The following RHOU variants were observed in gnomAD, a reference collection of about 807,000 sequenced individuals.
The protein encoded by RHOU is rho-related GTP-binding protein RhoU.
A neutral mutation model predicts 12.6 loss-of-function variants in RHOU; 8 were observed. The observed-to-expected ratio is 0.64, with a 90% CI of 0.37 to 1.15. The LOEUF is 1.15. RHOU is among the 50% of genes most tolerant of loss of function. The pLI is 0.01. For synonymous variants in RHOU, 161 were observed against 147.4 expected (o/e 1.09, Z -0.67); for missense variants, 258 against 347.0 (o/e 0.74, Z 2.04).
Position 228,737,695 on chromosome 1 carries a change from G to C in RHOU, c.285G>C (p.Arg95=). 1 of 1,614,100 alleles carries C rather than the reference G, an allele frequency of 6.2e-7. No individual in the cohort carries two copies. The highest frequency in any genetic ancestry group is 8.5e-7 in the Non-Finnish European group (1 of 1,180,016). Residue 95 remains arginine (R), a synonymous_variant, in exon 2 of 3, where the codon CGG becomes CGC. Transcript: ENST00000366691. This position sits in a 1 kb window ranked among gnomAD's most constrained non-coding sequence, Gnocchi z 4.1. The part of the protein sequence containing the change: ...NFSAVVSVDG[R]PVRLQLCDTA... ...AAGCGGTGGTGTCTGTGGATGGGCG[G>C]CCCGTGAGACTCCAACTCTGTGACA...
the RHOU span, among the ~76,000 whole-genome samples, chr1:228,696,943 A>G: frequency 1.3e-5 from 2 of 152,192 alleles, no homozygotes; most frequent in African/African-American, 4.8e-5. Context: ...TATAAGAAAT[A>G]ATAAACCTTA....
chr1:228,686,571 C>A, the RHOU span, among the ~76,000 whole-genome samples: 2 of 152,308 alleles, frequency 1.3e-5, no homozygotes, highest in South Asian at 4.1e-4. Context: ...ATATTTAGTG[C>A]AAGCCATGGT....
the RHOU span, among the ~76,000 whole-genome samples, chr1:228,647,726 C>G: frequency 6.6e-6 from 1 of 152,188 alleles, no homozygotes; most frequent in South Asian, 2.1e-4. Context: ...CCGGTTTCAT[C>G]GTGTTGCGCC....
chr1:228,690,149 T>G, the RHOU span, among the ~76,000 whole-genome samples: 1 of 151,336 alleles, frequency 6.6e-6, no homozygotes, highest in South Asian at 2.1e-4. Flanking sequence ...TCAGACTGAT[T>G]TTTATTTAAA....
the RHOU span, among the ~76,000 whole-genome samples, chr1:228,648,342 G>A: frequency 1.3e-5 from 2 of 152,176 alleles, no homozygotes; most frequent in Non-Finnish European, 2.9e-5. Flanking sequence ...TGGGATCTCC[G>A]GGCAGCCTCC....
Position 228,737,003 on chromosome 1 carries a change from A to G in RHOU, c.263-670A>G, listed in dbSNP as rs1394401180. Among the ~76,000 whole-genome samples, 2 of 148,614 alleles carry G rather than the reference A, an allele frequency of 1.3e-5. No homozygotes were observed. The highest frequency in any genetic ancestry group is 5.0e-5 in the African/African-American group (2 of 40,270). ...GAAACAATTAGAAAGTTGTGTAGAA[A>G]GAGACAAAACTGACTGCTTAATTAA... On this transcript the variant is annotated intron_variant, in intron 1 of 2. Transcript: ENST00000366691. The surrounding 1 kb of genome is among the most constrained non-coding windows in gnomAD (Gnocchi z 4.1).
the RHOU span, among the ~76,000 whole-genome samples, chr1:228,677,436 G>C: frequency 6.6e-6 from 1 of 152,006 alleles, no homozygotes; most frequent in Non-Finnish European, 1.5e-5. Context: ...TTTTTATGTT[G>C]TCATATACCA....
chr1:228,680,971 G>A, the RHOU span, among the ~76,000 whole-genome samples: 407 of 152,238 alleles, frequency 2.7e-3, 4 homozygotes, highest in Non-Finnish European at 4.9e-3. Flanking sequence ...TCATGAAGCC[G>A]GTGATTATCA....
In RHOU at chr1:228,737,662, T is replaced by G; in HGVS notation, c.263-11T>G. 2 of 1,614,004 alleles carry G rather than the reference T, an allele frequency of 1.2e-6. No individual in the cohort carries two copies. Among genetic ancestry groups the G allele is most frequent in the East Asian group, 4.5e-5 (2 of 44,896 alleles). The stretch of plus-strand genomic sequence containing the variant: ...ACACCTCCTGATTGTCATTTTGGTT[T>G]TGTTTTTAAGCGGTGGTGTCTGTGG... On this transcript the variant is annotated splice_polypyrimidine_tract_variant and intron_variant, in intron 1 of 2. Coordinates refer to ENST00000366691, the MANE Select transcript of RHOU (RefSeq NM_021205.6). The surrounding 1 kb of genome is among the most constrained non-coding windows in gnomAD (Gnocchi z 4.1).
At chr1:228,694,295 T>A in the RHOU span, among the ~76,000 whole-genome samples, 3 of 152,226 alleles carry the variant, frequency 2.0e-5, no homozygotes, top group East Asian at 5.8e-4. Context: ...GTTAGAATAG[T>A]GGCCTGTTTT....
rs1476895111 is a variant in RHOU at position 228,746,377 on chromosome 1, A to ATTATAAT, written c.*2644_*2650dup. The ATTATAAT allele has an allele frequency of 6.6e-6, 1 of 152,234 alleles. No homozygotes were observed. The highest frequency in any genetic ancestry group is 6.5e-5 in the Admixed American group (1 of 15,288). 9.4% of individuals were successfully genotyped at this position (152,234 alleles called of 1,614,324 possible). A position where few individuals can be genotyped will look rare whatever the true frequency, so the allele number is the denominator to read the frequency against. ...GGCTGAACTACAAGTGTAGGCCACC[A>ATTATAAT]TTATAATTTATAAATACAGCATACT... On this transcript the variant is annotated 3_prime_UTR_variant, in exon 3 of 3. Coordinates refer to ENST00000366691, the MANE Select transcript of RHOU (RefSeq NM_021205.6).
chr1:228,681,490 AAAG>A, the RHOU span, among the ~76,000 whole-genome samples: 1 of 152,010 alleles, frequency 6.6e-6, no homozygotes, highest in African/African-American at 2.4e-5. Flanking sequence ...GGCGGGAGGG[AAAG>A]AAGGAGGATT....
chr1:228,647,430 CG>C, the RHOU span, among the ~76,000 whole-genome samples: 7 of 152,258 alleles, frequency 4.6e-5, no homozygotes, highest in Admixed American at 3.9e-4. Flanking sequence ...ACACGAAGTG[CG>C]GGGCAATAGG....
chr1:228,736,967 A>G (rs906387255), intron 1 of RHOU, among the ~76,000 whole-genome samples: 7 of 115,686 alleles, frequency 6.1e-5, no homozygotes, highest in Non-Finnish European at 1.6e-5. Flanking sequence ...GCTGACTAGT[A>G]TAAATATTTA....
the RHOU span, among the ~76,000 whole-genome samples, chr1:228,668,624 T>C: frequency 6.6e-6 from 1 of 152,332 alleles, no homozygotes; most frequent in Non-Finnish European, 1.5e-5. Context: ...TGCTAAGATG[T>C]CATTAGTTGT....
At chr1:228,719,961 A>G in the RHOU span, among the ~76,000 whole-genome samples, 1 of 152,220 alleles carries the variant, frequency 6.6e-6, no homozygotes, top group South Asian at 2.1e-4. Context: ...ATATCGCCGT[A>G]TCTTTTAAAA....
At chr1:228,714,462 T>C in the RHOU span, among the ~76,000 whole-genome samples, 6 of 152,262 alleles carry the variant, frequency 3.9e-5, no homozygotes, top group East Asian at 1.2e-3. Context: ...TTTTGGAGGA[T>C]AGTTCCTTGA....
rs762915852 is a variant in RHOU, at chr1:228,735,977, A to G, written c.235A>G (p.Ile79Val). The G allele has an allele frequency of 1.3e-6, 2 of 1,581,052 alleles. No individual in the cohort carries two copies. The highest frequency in any genetic ancestry group is 2.2e-5 in the South Asian group (2 of 90,440). Residue 79 changes from isoleucine to valine, a missense_variant, in exon 1 of 3, where the codon ATC becomes GTC. Coordinates refer to ENST00000366691, the MANE Select transcript of RHOU (RefSeq NM_021205.6). The surrounding 1 kb of genome is among the most constrained non-coding windows in gnomAD (Gnocchi z 8.1). ...YTTNGYPTEY[I>V]PTAFDNFSAV... The stretch of plus-strand genomic sequence containing the variant: ...CACCAACGGCTACCCCACCGAGTAC[A>G]TCCCTACTGCCTTCGACAACTTCTC...
chr1:228,734,562 C>G (rs1044235314), upstream of RHOU, among the ~76,000 whole-genome samples: 1 of 152,234 alleles, frequency 6.6e-6, no homozygotes, highest in Non-Finnish European at 1.5e-5. Flanking sequence ...GTGCTTACAA[C>G]AGTATCTGAC....
Sources: gnomAD v4.1 joint callset for allele counts (sites outside exome capture counted in the v4.1 genomes callset) on GRCh38, gnomAD v4.1.1 for gene constraint, Gnocchi (gnomAD v3.1) non-coding constraint, MANE v1.5 for transcripts, NCBI Gene and HGNC (gene_info 2026-07-23, HGNC 2026-07-21) for gene names.